Variants in NRCAM observed in about 807,000 individuals in gnomAD.
The protein encoded by NRCAM is NgCAM-related cell adhesion molecule.
A neutral mutation model predicts 156.5 loss-of-function variants in NRCAM; 83 were observed. The ratio of observed to expected loss-of-function variants is 0.53; its 90% CI spans 0.44 to 0.64. The LOEUF (loss-of-function observed/expected upper bound fraction) is 0.64, where lower values mean the gene tolerates loss of function less well. NRCAM is among the 30% of genes least tolerant of loss of function. The pLI, the probability that NRCAM is intolerant of heterozygous loss-of-function variation, is 0.00. For missense variants in NRCAM, 1,417 were observed against 1,597.3 expected, an observed-to-expected ratio of 0.89 and a Z score of 1.92; for synonymous variants, 538 against 563.9, an observed-to-expected ratio of 0.95 and a Z score of 0.65.
At chr7:108,343,451 T>C (rs2099316502) in intron 2 of NRCAM, among the ~76,000 whole-genome samples, 2 of 151,880 alleles carry the variant, frequency 1.3e-5, no homozygotes, top group African/African-American at 2.4e-5. Flanking sequence ...GAAAGGGAAA[T>C]AGAAGGGAAC....
intron 2 of NRCAM, among the ~76,000 whole-genome samples, chr7:108,327,813 G>C (rs1370448515): frequency 6.6e-6 from 1 of 152,144 alleles, no homozygotes; most frequent in African/African-American, 2.4e-5. Flanking sequence ...TAGTGCCGAG[G>C]GAATGACAGT....
intron 1 of NRCAM, among the ~76,000 whole-genome samples, chr7:108,411,735 G>A (rs942458368): frequency 2.0e-5 from 3 of 152,018 alleles, no homozygotes; most frequent in African/African-American, 4.8e-5. Flanking sequence ...GTTTCACCAT[G>A]TTGGTCAGGC....
intron 2 of NRCAM, among the ~76,000 whole-genome samples, chr7:108,351,731 ACT>A (rs1319515537): frequency 6.6e-6 from 1 of 151,544 alleles, no homozygotes; most frequent in African/African-American, 2.4e-5. Context: ...AAGAATTGTA[ACT>A]CATGATTGTA....
At chr7:108,282,947 G>C (rs1399103368) in intron 3 of NRCAM, among the ~76,000 whole-genome samples, 1 of 152,190 alleles carries the variant, frequency 6.6e-6, no homozygotes, top group Non-Finnish European at 1.5e-5. Context: ...AGTTCTGGGG[G>C]TGGGACCTGG....
chr7:108,454,309 T>G (rs1853954117), intron 1 of NRCAM, among the ~76,000 whole-genome samples: 1 of 152,144 alleles, frequency 6.6e-6, no homozygotes, highest in African/African-American at 2.4e-5. Flanking sequence ...GGTTTAGGTT[T>G]CCCCTAAACT....
chr7:108,203,618 C>T (rs1454221835), intron 13 of NRCAM, among the ~76,000 whole-genome samples: 2 of 152,114 alleles, frequency 1.3e-5, no homozygotes, highest in African/African-American at 2.4e-5. Flanking sequence ...CGAAAGGAGA[C>T]AGTCAGTGTC....
intron 3 of NRCAM, among the ~76,000 whole-genome samples, chr7:108,244,160 G>C (rs1482882165): frequency 1.3e-5 from 2 of 151,954 alleles, no homozygotes; most frequent in Non-Finnish European, 2.9e-5. Context: ...GAATTTGAAG[G>C]CCACGCATTA....
intron 2 of NRCAM, among the ~76,000 whole-genome samples, chr7:108,353,679 T>C (rs1298226219): frequency 1.3e-5 from 2 of 152,252 alleles, no homozygotes; most frequent in African/African-American, 2.4e-5. Flanking sequence ...AAAGTCTTCA[T>C]GAAAAGAAAG....
intron 3 of NRCAM, among the ~76,000 whole-genome samples, chr7:108,268,396 A>T (rs983828029): frequency 6.6e-6 from 1 of 152,110 alleles, no homozygotes; most frequent in African/African-American, 2.4e-5. Flanking sequence ...TTAGTAAATG[A>T]GTAAGTGAGA....
intron 13 of NRCAM, among the ~76,000 whole-genome samples, chr7:108,199,771 T>C (rs901390155): frequency 1.3e-5 from 2 of 152,198 alleles, no homozygotes; most frequent in Non-Finnish European, 2.9e-5. Flanking sequence ...CTTAATCACA[T>C]GTGCAAATTC....
intron 19 of NRCAM, among the ~76,000 whole-genome samples, chr7:108,190,071 A>G (rs575625695): frequency 2.6e-5 from 4 of 152,360 alleles, no homozygotes; most frequent in African/African-American, 9.6e-5. Flanking sequence ...AAACATGAAA[A>G]ATAATAAGCT....
chr7:108,343,722 C>T (rs566535144), intron 2 of NRCAM, among the ~76,000 whole-genome samples: 9 of 152,298 alleles, frequency 5.9e-5, no homozygotes, highest in African/African-American at 1.7e-4. Flanking sequence ...TTCACTTAGG[C>T]ACTGATAACA....
At chr7:108,151,172 C>A (rs1417107091) in intron 32 of NRCAM, among the ~76,000 whole-genome samples, 2 of 152,050 alleles carry the variant, frequency 1.3e-5, no homozygotes, top group Non-Finnish European at 2.9e-5. Flanking sequence ...CGGTCAAATA[C>A]CTAGTTATGC....
At chr7:108,181,801 A>G (rs758410007) in intron 24 of NRCAM, 21 bp downstream of exon 24, 4 of 1,568,284 alleles carry the variant, frequency 2.6e-6, no homozygotes, top group Non-Finnish European at 3.5e-6. Flanking sequence ...ATAAAGCCAC[A>G]AAAGGTCCCC....
intron 2 of NRCAM, among the ~76,000 whole-genome samples, chr7:108,395,265 T>C (rs895727518): frequency 6.6e-6 from 1 of 152,162 alleles, no homozygotes; most frequent in African/African-American, 2.4e-5. Context: ...AAGTTAATAA[T>C]AAACCTGAAT....
rs2082934384 is a variant in NRCAM at position 108,209,554 on chromosome 7, G to A, written c.942C>T (p.Asn314=). ...WAKEDGMLPK[N]RTVYKNFEKT... The stretch of plus-strand genomic sequence containing the variant: ...TCTCAAAGTTCTTATAAACTGTCCT[G>A]TTTTTGGGTAGCATTCCATCTTCCT... The change falls in exon 12 of 33, where the codon AAC becomes AAT. Residue 314 remains asparagine, a synonymous_variant. Coordinates refer to ENST00000379028, the MANE Select transcript of NRCAM (RefSeq NM_001037132.4). 2 of 1,611,840 alleles carry A rather than the reference G, an allele frequency of 1.2e-6. No individual in the cohort carries two copies. The highest frequency in any genetic ancestry group is 1.3e-5 in the African/African-American group (1 of 74,936).
At chr7:108,260,181 G>T (rs1379126024) in intron 3 of NRCAM, among the ~76,000 whole-genome samples, 2 of 152,000 alleles carry the variant, frequency 1.3e-5, no homozygotes, top group African/African-American at 4.8e-5. Flanking sequence ...AACCCATTCA[G>T]GCAAGCGGAG....
At chr7:108,248,081 T>C (rs2153862846) in intron 3 of NRCAM, among the ~76,000 whole-genome samples, 1 of 152,338 alleles carries the variant, frequency 6.6e-6, no homozygotes, top group Admixed American at 6.5e-5. Context: ...AAACAAGCTC[T>C]AGCTCTATTT....
chr7:108,384,920 A>C (rs746950782), intron 2 of NRCAM, among the ~76,000 whole-genome samples: 3 of 152,208 alleles, frequency 2.0e-5, no homozygotes, highest in Non-Finnish European at 4.4e-5. Flanking sequence ...GGTTATCGTG[A>C]AGCTGAAACT....
Sources: allele counts gnomAD v4.1 joint callset (sites outside exome capture counted in the v4.1 genomes callset), GRCh38; gene constraint gnomAD v4.1.1; transcripts MANE v1.5; gene names NCBI Gene and HGNC (gene_info 2026-07-23, HGNC 2026-07-21).